Variants in GPM6A observed in about 807,000 individuals in gnomAD.
GPM6A encodes the protein glycoprotein M6A, also known as neuronal membrane glycoprotein M6-a.
Under a neutral mutation model 32.1 loss-of-function variants are expected in GPM6A, and 7 were observed. That is an observed-to-expected ratio of 0.22 (90% CI 0.12 to 0.41). The LOEUF is 0.41. Among genes scored for constraint, GPM6A ranks in the 10% least tolerant of loss-of-function variants. GPM6A has a pLI of 1.00. For missense variants in GPM6A, 235 were observed against 347.2 expected, an observed-to-expected ratio of 0.68 and a Z score of 2.57; for synonymous variants, 130 against 123.4, an observed-to-expected ratio of 1.05 and a Z score of -0.35.
At chr4:175,813,162 G>A, upstream of GPM6A, 1 of 721,970 alleles carries the variant, frequency 1.4e-6, no homozygotes, top group Non-Finnish European at 1.7e-6. Context: ...GAAAGCTGCT[G>A]GTTTCCAATG....
intron 1 of GPM6A, among the ~76,000 whole-genome samples, chr4:175,992,227 CGT>C (rs1422455363): frequency 6.6e-6 from 1 of 151,966 alleles, no homozygotes; most frequent in African/African-American, 2.4e-5. Context: ...AAGTAATGTG[CGT>C]GTAGCCTAAG....
At chr4:175,993,956 T>C (rs1030339811) in intron 1 of GPM6A, among the ~76,000 whole-genome samples, 14 of 152,210 alleles carry the variant, frequency 9.2e-5, no homozygotes, top group Non-Finnish European at 1.6e-4. Context: ...TGTAATAATA[T>C]ATGAAATATT....
At chr4:175,728,286 C>T (rs1330073170) in intron 1 of GPM6A, among the ~76,000 whole-genome samples, 3 of 151,908 alleles carry the variant, frequency 2.0e-5, no homozygotes, top group Non-Finnish European at 2.9e-5. Context: ...AAAACACAAA[C>T]TAAAAATGAT....
chr4:175,755,854 A>G (rs1732503409), intron 1 of GPM6A, among the ~76,000 whole-genome samples: 1 of 152,184 alleles, frequency 6.6e-6, no homozygotes, highest in South Asian at 2.1e-4. Flanking sequence ...TCTGTGTGTC[A>G]GTGACTACAA....
chr4:175,850,871 A>T (rs1736232214), intron 1 of GPM6A, among the ~76,000 whole-genome samples: 1 of 150,272 alleles, frequency 6.7e-6, no homozygotes, highest in Non-Finnish European at 1.5e-5. Flanking sequence ...ATATAATTTC[A>T]CATATGATAC....
At chr4:175,920,054 T>G (rs939333278) in intron 1 of GPM6A, among the ~76,000 whole-genome samples, 33 of 152,274 alleles carry the variant, frequency 2.2e-4, no homozygotes, top group African/African-American at 7.7e-4. Flanking sequence ...GAAAGTAACC[T>G]CTAAAGGTGA....
intron 1 of GPM6A, among the ~76,000 whole-genome samples, chr4:175,830,115 A>C (rs1735563084): frequency 6.6e-6 from 1 of 152,102 alleles, no homozygotes; most frequent in Non-Finnish European, 1.5e-5. Context: ...AGAAGGGAGG[A>C]AAATGCACAT....
intron 1 of GPM6A, among the ~76,000 whole-genome samples, chr4:175,799,828 C>T (rs1373990080): frequency 2.0e-5 from 3 of 151,232 alleles, no homozygotes. Flanking sequence ...GCGCCCGCCA[C>T]CGCGCCCGGC....
rs116742613 is a variant in GPM6A, at chr4:175,824,516, T to C, written c.-22-12267A>G. 2.6e-3 allele frequency among the ~76,000 whole-genome samples: 391 copies of C among 152,352 alleles called. 4 individuals are homozygous for C. The highest frequency in any genetic ancestry group is 8.6e-3 in the African/African-American group (358 of 41,578). ...CAATATCATTTGTCTGTAGCTCATA[T>C]TTGCCAGATATCATACATTTTTTAT... is the stretch of plus-strand genomic sequence containing the variant. On this transcript the variant is annotated intron_variant, in intron 1 of 7. Coordinates refer to the GPM6A transcript ENST00000280187.
chr4:175,769,641 G>A (rs1466278836), intron 1 of GPM6A, among the ~76,000 whole-genome samples: 2 of 152,082 alleles, frequency 1.3e-5, no homozygotes, highest in Non-Finnish European at 2.9e-5. Context: ...ATTGCGAGAG[G>A]AGCCAGAATG....
At position 175,831,715 on chromosome 4, in the gene GPM6A, C is replaced by CTTTTTTT. The variant is rs780096379; in HGVS notation, c.-22-19473_-22-19467dup. 4.9e-3 allele frequency among the ~76,000 whole-genome samples: 342 copies of CTTTTTTT among 69,912 alleles called. 11 individuals carry two copies. Among genetic ancestry groups the CTTTTTTT allele is most frequent in the Non-Finnish European group, 6.3e-3 (251 of 39,624 alleles). The allele number at this position is 69,912 out of a possible 152,430, so 45.9% of individuals were successfully genotyped here. On this transcript the variant is annotated intron_variant, in intron 1 of 7. Transcript: ENST00000280187. Reference sequence around the variant, plus strand: ...CTTGTTAAGGCCCATTTAGCCATCTCTTTTTTTTTTTTTTTTTTTTTTTGA... The same window carrying CTTTTTTT: ...CTTGTTAAGGCCCATTTAGCCATCTCTTTTTTTTTTTTTTTTTTTTTTTTTTTTTTGA...
chr4:175,725,128 T>C (rs1746336446), intron 1 of GPM6A, among the ~76,000 whole-genome samples: 1 of 152,186 alleles, frequency 6.6e-6, no homozygotes, highest in Admixed American at 6.5e-5. Context: ...TACCTGCTCA[T>C]ACATAGTTGT....
chr4:175,736,617 A>G (rs1197472087), intron 1 of GPM6A, among the ~76,000 whole-genome samples: 1 of 152,260 alleles, frequency 6.6e-6, no homozygotes, highest in Non-Finnish European at 1.5e-5. Context: ...AAATTTACTG[A>G]GTAAAAACTT....
intron 1 of GPM6A, among the ~76,000 whole-genome samples, chr4:175,790,917 A>G (rs1174745437): frequency 6.6e-6 from 1 of 152,188 alleles, no homozygotes; most frequent in African/African-American, 2.4e-5. Context: ...ATAACATACA[A>G]AATGTTTTAG....
intron 1 of GPM6A, among the ~76,000 whole-genome samples, chr4:175,778,486 G>C (rs145147596): frequency 6.6e-6 from 1 of 151,604 alleles, no homozygotes; most frequent in African/African-American, 2.4e-5. Context: ...TTAGCTGGGC[G>C]TGGTGGCGTG....
chr4:175,695,678 T>A (rs1744538954), intron 2 of GPM6A, among the ~76,000 whole-genome samples: 1 of 152,192 alleles, frequency 6.6e-6, no homozygotes, highest in South Asian at 2.1e-4. Flanking sequence ...TGGCCTCATC[T>A]CAGATGAGAC....
chr4:175,667,320 A>C (rs972844299), intron 3 of GPM6A, among the ~76,000 whole-genome samples: 3 of 152,166 alleles, frequency 2.0e-5, no homozygotes, highest in African/African-American at 4.8e-5. Flanking sequence ...CAAAACCCCA[A>C]TCTAATCATG....
chr4:175,684,789 C>T lies in GPM6A; in HGVS notation c.231-10953G>A, dbSNP rs530980415. Among the ~76,000 whole-genome samples, 80 of 152,166 alleles carry T rather than the reference C, an allele frequency of 5.3e-4. 1 individual carries two copies. Among genetic ancestry groups the T allele is most frequent in the African/African-American group, 1.8e-3 (76 of 41,538 alleles). On this transcript the variant is annotated intron_variant, in intron 2 of 6. Coordinates refer to ENST00000393658, the MANE Select transcript of GPM6A (RefSeq NM_201591.3). ...TTAATCAGAGGGGCTTTACGTATGT[C>T]TTAATATCTTGTAAGATTAGATCTC...
intron 1 of GPM6A, among the ~76,000 whole-genome samples, chr4:175,739,938 A>C (rs372133685): frequency 6.6e-6 from 1 of 152,100 alleles, no homozygotes; most frequent in East Asian, 1.9e-4. Flanking sequence ...AAATTACATA[A>C]AAATATTCTG....
Sources: allele counts gnomAD v4.1 joint callset (sites outside exome capture counted in the v4.1 genomes callset), GRCh38; gene constraint gnomAD v4.1.1; transcripts MANE v1.5; gene names NCBI Gene and HGNC (gene_info 2026-07-23, HGNC 2026-07-21).